The following ENPEP variants were observed in gnomAD, a reference collection of about 807,000 sequenced individuals.
ENPEP encodes the protein AP-A.
Under a neutral mutation model 114.5 loss-of-function variants are expected in ENPEP, and 103 were observed. The ratio of observed to expected loss-of-function variants is 0.90; its 90% CI spans 0.77 to 1.06. ENPEP has a LOEUF of 1.06. ENPEP is among the 50% of genes least tolerant of loss of function. The pLI is 0.00. For synonymous variants in ENPEP, 420 were observed against 422.0 expected (o/e 1.00, Z 0.06); for missense variants, 1,196 against 1,161.3 (o/e 1.03, Z -0.43).
chr4:110,565,103 T>C lies in ENPEP; in HGVS notation c.*3545T>C, dbSNP rs569595049. On this transcript the variant is annotated 3_prime_UTR_variant, in exon 20 of 20. Transcript: ENST00000265162. Reference sequence around the variant, plus strand: ...ATTTCTTGTTCTTTCTCCTCCTCCTTCCTCTACTTCAGGGTTTAGCGACCT... The same window carrying C: ...ATTTCTTGTTCTTTCTCCTCCTCCTCCCTCTACTTCAGGGTTTAGCGACCT... 2 of 152,336 alleles carry C rather than the reference T, an allele frequency of 1.3e-5. No individual in the cohort carries two copies. The highest frequency in any genetic ancestry group is 2.9e-5 in the Non-Finnish European group (2 of 68,032). The allele number at this position is 152,336 out of a possible 1,614,324, so 9.4% of individuals were successfully genotyped here. A position where few individuals can be genotyped will look rare whatever the true frequency, so the allele number is the denominator to read the frequency against.
At chr4:110,552,416 C>T (rs1184336374) in intron 17 of ENPEP, among the ~76,000 whole-genome samples, 1 of 152,110 alleles carries the variant, frequency 6.6e-6, no homozygotes, top group East Asian at 1.9e-4. Context: ...TTTAGAAATA[C>T]CTTTTCTGTT....
intron 13 of ENPEP, among the ~76,000 whole-genome samples, chr4:110,547,527 G>A (rs951726774): frequency 6.6e-6 from 1 of 152,066 alleles, no homozygotes; most frequent in African/African-American, 2.4e-5. Flanking sequence ...GGGAAGTGGG[G>A]AAAGCTGAGC....
chr4:110,503,235 G>C (rs10015807), intron 3 of ENPEP, among the ~76,000 whole-genome samples: 89,734 of 151,970 alleles, frequency 0.59, 26,747 homozygotes, highest in Middle Eastern at 0.68. Flanking sequence ...GACATGAACT[G>C]GATGTTTTCT....
At chr4:110,506,339 C>A (rs1312953754) in intron 3 of ENPEP, 1 of 250,330 alleles carries the variant, frequency 4.0e-6, no homozygotes, top group Non-Finnish European at 7.5e-6. Context: ...AAATTAATAA[C>A]ATTTTTCAAA....
intron 10 of ENPEP, among the ~76,000 whole-genome samples, chr4:110,526,294 C>T (rs1421069305): frequency 6.6e-6 from 1 of 151,844 alleles, no homozygotes; most frequent in Non-Finnish European, 1.5e-5. Flanking sequence ...AGAACAAACC[C>T]CCCGCCCCAA....
intron 11 of ENPEP, among the ~76,000 whole-genome samples, chr4:110,539,419 C>T (rs77482436): frequency 0.033 from 5,009 of 152,210 alleles, 257 homozygotes; most frequent in African/African-American, 0.11. Flanking sequence ...ATCATGTTAG[C>T]TTTAGTTTCA....
rs376425083 is a variant in ENPEP, at chr4:110,548,248, A to G, written c.2073A>G (p.Pro691=). ...KYLKREENFL[P]WQRVISAVTY... ...TCAAAAGGGAAGAGAATTTTTTACC[A>G]TGGCAGAGAGTAATTTCAGCTGTAA... The change falls in exon 14 of 20, where the codon CCA becomes CCG. Residue 691 remains proline (P), a synonymous_variant. Coordinates refer to ENST00000265162, the MANE Select transcript of ENPEP (RefSeq NM_001977.4). The G allele has an allele frequency of 1.3e-6, 2 of 1,599,690 alleles. No individual in the cohort carries two copies. Among genetic ancestry groups the G allele is most frequent in the Admixed American group, 3.5e-5 (2 of 57,424 alleles).
chr4:110,504,525 G>A (rs1403217239), intron 3 of ENPEP, among the ~76,000 whole-genome samples: 1 of 152,094 alleles, frequency 6.6e-6, no homozygotes, highest in African/African-American at 2.4e-5. Flanking sequence ...GGCCTGAGCT[G>A]AGGTCCCTGC....
chr4:110,487,049 A>G (rs1423693556), intron 1 of ENPEP, among the ~76,000 whole-genome samples: 2 of 152,118 alleles, frequency 1.3e-5, no homozygotes, highest in Non-Finnish European at 2.9e-5. Context: ...GTTGAGCCAG[A>G]TACTGGTCTG....
intron 13 of ENPEP, among the ~76,000 whole-genome samples, chr4:110,546,912 A>T (rs1286007888): frequency 1.3e-5 from 2 of 152,038 alleles, no homozygotes; most frequent in Non-Finnish European, 2.9e-5. Context: ...ACACCACCTG[A>T]AAAACTAGCC....
At chr4:110,555,591 ACT>A (rs1211321530) in intron 18 of ENPEP, among the ~76,000 whole-genome samples, 1 of 151,968 alleles carries the variant, frequency 6.6e-6, no homozygotes. Flanking sequence ...CTTCCAATAA[ACT>A]CTTAGATGAA....
intron 17 of ENPEP, 41 bp from the exon 18 acceptor site, chr4:110,553,274 A>C (rs201941629): frequency 6.6e-7 from 1 of 1,516,802 alleles, no homozygotes; most frequent in African/African-American, 1.4e-5. Flanking sequence ...GTGAACATTA[A>C]AAGTTCACTT....
chr4:110,508,297 C>T, intron 4 of ENPEP, among the ~76,000 whole-genome samples: 1 of 146,820 alleles, frequency 6.8e-6, no homozygotes, highest in South Asian at 2.1e-4. Context: ...AATGAGATTG[C>T]AAAAAATTCC....
chr4:110,526,230 C>T (rs186231425), intron 10 of ENPEP, among the ~76,000 whole-genome samples: 1 of 152,232 alleles, frequency 6.6e-6, no homozygotes, highest in East Asian at 1.9e-4. Context: ...GAGCCAAGAT[C>T]ATGCTACTGC....
At chr4:110,532,530 C>T (rs1371052659) in intron 11 of ENPEP, among the ~76,000 whole-genome samples, 1 of 152,014 alleles carries the variant, frequency 6.6e-6, no homozygotes, top group Non-Finnish European at 1.5e-5. Context: ...ATCATTTCCA[C>T]CTTTTGTCTG....
chr4:110,559,510 G>T, intron 18 of ENPEP, 137 bp from the exon 19 acceptor site: 2 of 626,104 alleles, frequency 3.2e-6, no homozygotes, highest in Non-Finnish European at 5.7e-6. Flanking sequence ...TAAGTAAAAT[G>T]GGTTTTCTTA....
At chr4:110,503,709 C>G (rs1725251407) in intron 3 of ENPEP, among the ~76,000 whole-genome samples, 1 of 152,174 alleles carries the variant, frequency 6.6e-6, no homozygotes, top group Non-Finnish European at 1.5e-5. Context: ...CTGATGTTCC[C>G]TCAACTGTGC....
intron 19 of ENPEP, 89 bp downstream of exon 19, chr4:110,559,814 T>C: frequency 1.0e-6 from 1 of 970,592 alleles, no homozygotes; most frequent in Non-Finnish European, 1.6e-6. Context: ...CTGGAATACA[T>C]GTGCAGAATG....
chr4:110,535,880 T>G (rs898457024), intron 11 of ENPEP, among the ~76,000 whole-genome samples: 3 of 152,152 alleles, frequency 2.0e-5, no homozygotes, highest in Admixed American at 6.5e-5. Context: ...AGACCCTCTA[T>G]CAGTAAAAAA....
Sources: gnomAD v4.1 joint callset for allele counts (sites outside exome capture counted in the v4.1 genomes callset) on GRCh38, gnomAD v4.1.1 for gene constraint, MANE v1.5 for transcripts, NCBI Gene and HGNC (gene_info 2026-07-23, HGNC 2026-07-21) for gene names.